The following KIAA1671 variants were observed in gnomAD, a reference collection of about 807,000 sequenced individuals.
KIAA1671 encodes KIAA1671.
In KIAA1671, 52 loss-of-function variants were observed where a neutral mutation model predicts 131.2. The ratio of observed to expected loss-of-function variants is 0.40; its 90% CI spans 0.32 to 0.50. The LOEUF is 0.50. Among genes scored for constraint, KIAA1671 ranks in the 20% least tolerant of loss-of-function variants. KIAA1671 has a pLI of 0.73. For missense variants in KIAA1671, 2,360 were observed against 2,364.2 expected (o/e 1.00, Z 0.04); for synonymous variants, 1,003 against 961.6 (o/e 1.04, Z -0.80).
chr22:24,985,560 C>T (rs1355364805), intron 1 of KIAA1671, among the ~76,000 whole-genome samples: 2 of 152,118 alleles, frequency 1.3e-5, no homozygotes, highest in East Asian at 1.9e-4. Flanking sequence ...AGGATGGTCT[C>T]GATCTCCTGA....
chr22:25,170,729 G>T (rs1933817572), intron 6 of KIAA1671, 91 bp from the exon 7 acceptor site: 5 of 1,283,846 alleles, frequency 3.9e-6, no homozygotes, highest in Non-Finnish European at 5.5e-6. Context: ...GTTTGAGCTG[G>T]GGGCCATGCG....
chr22:25,003,841 T>G (rs1040991768), intron 1 of KIAA1671, among the ~76,000 whole-genome samples: 2 of 151,930 alleles, frequency 1.3e-5, no homozygotes, highest in Admixed American at 1.3e-4. Flanking sequence ...ATTTTTTTTT[T>G]TTTTTGAGCC....
chr22:25,049,026 G>A (rs1407479889), intron 5 of KIAA1671: 2 of 605,886 alleles, frequency 3.3e-6, no homozygotes, highest in Non-Finnish European at 5.7e-6. Context: ...AGGTCACACA[G>A]TTATTAAATG....
intron 6 of KIAA1671, among the ~76,000 whole-genome samples, chr22:25,150,428 C>T (rs911910360): frequency 5.9e-5 from 9 of 152,188 alleles, no homozygotes; most frequent in African/African-American, 2.2e-4. Flanking sequence ...GCTCTGTCGG[C>T]CCTCTGAGCC....
chr22:24,971,000 C>T (rs1048112328), intron 1 of KIAA1671, among the ~76,000 whole-genome samples: 1 of 152,136 alleles, frequency 6.6e-6, no homozygotes, highest in Admixed American at 6.5e-5. Flanking sequence ...TCTTGTTGCC[C>T]AGGCTGGAGT....
intron 6 of KIAA1671, chr22:25,112,037 C>G (rs1245709551): frequency 2.5e-6 from 1 of 396,302 alleles, no homozygotes; most frequent in Non-Finnish European, 4.4e-6. Flanking sequence ...CTGAAGAAAG[C>G]TGCTGTTTTT....
intron 8 of KIAA1671, 130 bp downstream of exon 8, chr22:25,174,619 A>G (rs1403876277): frequency 1.9e-6 from 2 of 1,055,938 alleles, no homozygotes; most frequent in Non-Finnish European, 2.7e-6. Flanking sequence ...TGTCTTTGAA[A>G]TGGGACTCAC....
chr22:24,958,192 T>C (rs1047117613), intron 1 of KIAA1671, among the ~76,000 whole-genome samples: 5 of 152,032 alleles, frequency 3.3e-5, no homozygotes, highest in Non-Finnish European at 7.4e-5. Context: ...GGGGTGCTTC[T>C]GCCTAGTCTC....
At chr22:25,177,206 T>A (rs1477332570) in intron 8 of KIAA1671, 142 bp from the exon 9 acceptor site, 3 of 757,690 alleles carry the variant, frequency 4.0e-6, no homozygotes, top group Non-Finnish European at 6.3e-6. Flanking sequence ...AGGTTACTAT[T>A]AAAATGTGGA....
chr22:25,179,346 C>A lies in KIAA1671; in HGVS notation c.5074+1824C>A. The stretch of plus-strand genomic sequence containing the variant: ...CTCCTCTCGCTGCTCCTTGTTCCTG[C>A]GCACCTCGGCCGCGTGCAGCTCCTC... On this transcript the variant is annotated intron_variant, in intron 9 of 12. Coordinates refer to ENST00000358431, the MANE Select transcript of KIAA1671 (RefSeq NM_001145206.2). 4.4e-6 allele frequency: 7 copies of A among 1,594,168 alleles called. No individual in the cohort carries two copies. The South Asian group carries it at 5.7e-5, about 13-fold the overall frequency.
At chr22:25,008,721 A>AT (rs1310268803) in intron 1 of KIAA1671, among the ~76,000 whole-genome samples, 4 of 152,302 alleles carry the variant, frequency 2.6e-5, no homozygotes, top group African/African-American at 9.6e-5. Flanking sequence ...ATCATTGTTA[A>AT]TGATTTGAGG....
At chr22:25,178,826 C>T (rs951968332) in intron 9 of KIAA1671, among the ~76,000 whole-genome samples, 8 of 152,116 alleles carry the variant, frequency 5.3e-5, no homozygotes, top group African/African-American at 1.4e-4. Context: ...ACGCAGGCTC[C>T]CAGACACCAT....
intron 12 of KIAA1671, 148 bp downstream of exon 12, chr22:25,190,932 T>C (rs573760911): frequency 3.2e-6 from 2 of 622,318 alleles, no homozygotes; most frequent in East Asian, 2.8e-5. Context: ...GGGGGTGTTC[T>C]GAGTTCCTGT....
At chr22:25,117,705 G>A (rs187039938) in intron 6 of KIAA1671, among the ~76,000 whole-genome samples, 1 of 151,270 alleles carries the variant, frequency 6.6e-6, no homozygotes, top group East Asian at 2.0e-4. Context: ...GCCTTCAGAA[G>A]CTGCATTTCA....
chr22:25,024,849 A>G (rs1453848049), intron 1 of KIAA1671, among the ~76,000 whole-genome samples: 54 of 152,060 alleles, frequency 3.6e-4, no homozygotes, highest in Admixed American at 3.3e-3. Context: ...ATGATGTCGT[A>G]TTAAATGTAA....
At chr22:25,024,864 G>C (rs1203539094) in intron 1 of KIAA1671, among the ~76,000 whole-genome samples, 1 of 150,496 alleles carries the variant, frequency 6.6e-6, no homozygotes, top group East Asian at 2.0e-4. Flanking sequence ...ATGTAACAGT[G>C]TAGCTATGCT....
intron 1 of KIAA1671, among the ~76,000 whole-genome samples, chr22:24,983,433 C>T (rs1163033274): frequency 2.0e-5 from 3 of 152,010 alleles, no homozygotes; most frequent in Non-Finnish European, 2.9e-5. Flanking sequence ...TAGGGTCCAC[C>T]CTAATGCAGA....
intron 6 of KIAA1671, among the ~76,000 whole-genome samples, chr22:25,149,905 C>T (rs1932978193): frequency 6.6e-6 from 1 of 152,178 alleles, no homozygotes; most frequent in South Asian, 2.1e-4. Flanking sequence ...GTCACCACCT[C>T]CAGGAAGCCT....
intron 1 of KIAA1671, among the ~76,000 whole-genome samples, chr22:24,973,137 C>A (rs917351536): frequency 1.3e-5 from 2 of 152,154 alleles, no homozygotes; most frequent in African/African-American, 4.8e-5. Context: ...TAGTGCAGGG[C>A]AATGTGGGGT....
Sources: gnomAD v4.1 joint callset for allele counts (sites outside exome capture counted in the v4.1 genomes callset) on GRCh38, gnomAD v4.1.1 for gene constraint, MANE v1.5 for transcripts, NCBI Gene and HGNC (gene_info 2026-07-23, HGNC 2026-07-21) for gene names.